Variants in PTPRN2 observed in about 807,000 individuals in gnomAD.
The protein encoded by PTPRN2 is receptor-type tyrosine-protein phosphatase N2.
PTPRN2 carries 74 observed loss-of-function variants against 118.8 expected under a neutral mutation model. The ratio of observed to expected loss-of-function variants is 0.62; its 90% CI spans 0.52 to 0.76. The LOEUF is 0.76. PTPRN2 is among the 30% of genes least tolerant of loss of function. The probability of loss-of-function intolerance (pLI) is 0.00; values close to 1 mark genes in which losing one functional copy is unlikely to be tolerated. For missense variants in PTPRN2, 1,481 were observed against 1,394.4 expected (o/e 1.06, Z -0.99); for synonymous variants, 641 against 608.0 (o/e 1.05, Z -0.80).
chr7:157,691,682 C>T (rs1238636927), intron 12 of PTPRN2, among the ~76,000 whole-genome samples: 1 of 152,214 alleles, frequency 6.6e-6, no homozygotes, highest in Non-Finnish European at 1.5e-5. Flanking sequence ...CTTCCCCCTA[C>T]CCAGGTCAAT....
At chr7:158,191,788 G>A (rs1825786073) in intron 5 of PTPRN2, among the ~76,000 whole-genome samples, 1 of 152,086 alleles carries the variant, frequency 6.6e-6, no homozygotes, top group South Asian at 2.1e-4. Flanking sequence ...GCATCACCTT[G>A]TGTTTTGGTG....
chr7:157,852,075 G>A (rs994987202), intron 12 of PTPRN2, among the ~76,000 whole-genome samples: 1 of 152,248 alleles, frequency 6.6e-6, no homozygotes, highest in Non-Finnish European at 1.5e-5. Context: ...AGGCAGGTCT[G>A]TTTGCAGCGG....
At chr7:157,855,155 C>T (rs1462920417) in intron 12 of PTPRN2, among the ~76,000 whole-genome samples, 29 of 124,826 alleles carry the variant, frequency 2.3e-4, no homozygotes, top group African/African-American at 6.6e-4. Flanking sequence ...TGTGCGGGGC[C>T]GGATCGGGGA....
chr7:157,850,264 C>T lies in PTPRN2; in HGVS notation c.1788+48409G>A, dbSNP rs143914188. The stretch of plus-strand genomic sequence containing the variant: ...GCTCACATAAGGGATCCCAGGTCTC[C>T]AAATTTCCGACATGGGGTGCCTCAG... On this transcript the variant is annotated intron_variant, in intron 12 of 22. Transcript: ENST00000389418. Among the ~76,000 whole-genome samples, 27 of 145,884 alleles carry T rather than the reference C, an allele frequency of 1.9e-4. 1 individual carries two copies. The East Asian group carries it at 5.5e-3, about 29-fold the overall frequency.
intron 12 of PTPRN2, among the ~76,000 whole-genome samples, chr7:157,686,171 C>T (rs1797182439): frequency 6.6e-6 from 1 of 152,174 alleles, no homozygotes; most frequent in African/African-American, 2.4e-5. Flanking sequence ...ATCCCAGGGC[C>T]CGGCTGGGAA....
chr7:158,161,690 C>T (rs559443106), intron 6 of PTPRN2, among the ~76,000 whole-genome samples: 14 of 152,142 alleles, frequency 9.2e-5, no homozygotes, highest in African/African-American at 2.6e-4. Context: ...TTTTAAAATC[C>T]AACACCAAAG....
rs1346023554 is a variant in PTPRN2, at chr7:157,795,661, C to G, written c.1788+103012G>C. Among the ~76,000 whole-genome samples, 4 of 152,362 alleles carry G rather than the reference C, an allele frequency of 2.6e-5. No individual in the cohort carries two copies. The East Asian group carries it at 7.7e-4, about 29-fold the overall frequency. On this transcript the variant is annotated intron_variant, in intron 12 of 22. Coordinates refer to ENST00000389418, the MANE Select transcript of PTPRN2 (RefSeq NM_002847.5). ...TTCAAGCTATTGATAACAACAAAGT[C>G]CTCCCCAACCAAGGAACTTCCGCCA...
intron 11 of PTPRN2, among the ~76,000 whole-genome samples, chr7:158,053,729 CAGAGA>C (rs1809508497): frequency 6.6e-6 from 1 of 150,868 alleles, no homozygotes; most frequent in African/African-American, 2.5e-5. Flanking sequence ...CCCAGAGATG[CAGAGA>C]CCCTAGAGAT....
chr7:158,418,605 C>T lies in PTPRN2; in HGVS notation c.163+71130G>A, dbSNP rs557057354. Among the ~76,000 whole-genome samples, 15 of 145,270 alleles carry T rather than the reference C, an allele frequency of 1.0e-4. 1 individual carries two copies. The South Asian group carries it at 3.5e-3, about 34-fold the overall frequency. On this transcript the variant is annotated intron_variant, in intron 2 of 22. Transcript: ENST00000389418. ...TACTACATCGAGATGCTGTAGCTCTCCGTGTCCCGCTGTGTTAAGTCACGG... is the reference window on the plus strand; with the variant it reads ...TACTACATCGAGATGCTGTAGCTCTTCGTGTCCCGCTGTGTTAAGTCACGG...
chr7:158,397,535 T>G (rs1486519723), intron 2 of PTPRN2, among the ~76,000 whole-genome samples: 1 of 152,072 alleles, frequency 6.6e-6, no homozygotes, highest in Non-Finnish European at 1.5e-5. Flanking sequence ...TCCAGAGAAA[T>G]AGTGTGTCCT....
chr7:158,162,787 A>G (rs7803502), intron 6 of PTPRN2, among the ~76,000 whole-genome samples: 113,169 of 152,142 alleles, frequency 0.74, 42,130 homozygotes, highest in Middle Eastern at 0.8. Context: ...TTTACCAGGT[A>G]AACTTTTGTC....
At chr7:158,148,783 AC>A (rs1159311981) in intron 6 of PTPRN2, among the ~76,000 whole-genome samples, 36 of 64,800 alleles carry the variant, frequency 5.6e-4, no homozygotes, top group Non-Finnish European at 7.8e-4. Context: ...CCTCAATGAC[AC>A]CCCATCTCAC....
intron 4 of PTPRN2, among the ~76,000 whole-genome samples, chr7:158,193,127 G>A (rs1179665138): frequency 1.3e-5 from 2 of 152,228 alleles, no homozygotes; most frequent in Non-Finnish European, 2.9e-5. Flanking sequence ...CAGGGACGCC[G>A]GAGGCTAGAA....
At chr7:158,052,912 G>C (rs1453627185) in intron 11 of PTPRN2, among the ~76,000 whole-genome samples, 3 of 152,184 alleles carry the variant, frequency 2.0e-5, no homozygotes, top group African/African-American at 7.2e-5. Flanking sequence ...GGGCTACAGG[G>C]ACAGCCCTCC....
intron 4 of PTPRN2, among the ~76,000 whole-genome samples, chr7:158,193,905 CAAAAAAA>C (rs56234740): frequency 2.4e-5 from 3 of 123,912 alleles, no homozygotes; most frequent in African/African-American, 8.8e-5. Context: ...GGCTCTGTCT[CAAAAAAA>C]AAAAAAAAAA....
chr7:158,574,604 G>A lies in PTPRN2; in HGVS notation c.112+12954C>T, dbSNP rs1828223593. Among the ~76,000 whole-genome samples the A allele has an allele frequency of 6.6e-6, 1 of 152,238 alleles. No individual in the cohort carries two copies. The highest frequency in any genetic ancestry group is 2.4e-5 in the African/African-American group (1 of 41,472). ...GGTTAGATGTGGGGCAGCTCTGGCA[G>A]AAGAGTGATAGGATCAGATTTTCAG... On this transcript the variant is annotated intron_variant, in intron 1 of 22. Transcript: ENST00000389418. The surrounding 1 kb of genome is among the most constrained non-coding windows in gnomAD (Gnocchi z 4.6).
intron 3 of PTPRN2, among the ~76,000 whole-genome samples, chr7:158,217,656 G>T (rs1026180169): frequency 1.1e-4 from 16 of 152,142 alleles, no homozygotes; most frequent in African/African-American, 3.9e-4. Flanking sequence ...TAGATGGCAA[G>T]GAAGCTCAAT....
intron 22 of PTPRN2, among the ~76,000 whole-genome samples, chr7:157,541,943 T>C (rs1393388493): frequency 1.3e-5 from 2 of 152,202 alleles, no homozygotes; most frequent in East Asian, 3.8e-4. Flanking sequence ...CTGCCTTTGG[T>C]AGTGTGGCCA....
At chr7:158,396,713 CAT>C (rs766693586) in intron 2 of PTPRN2, among the ~76,000 whole-genome samples, 88 of 152,162 alleles carry the variant, frequency 5.8e-4, no homozygotes, top group Admixed American at 9.8e-4. Context: ...CACATGTGTG[CAT>C]GTGTGTGTGT....
Sources: allele counts gnomAD v4.1 joint callset (sites outside exome capture counted in the v4.1 genomes callset), GRCh38; gene constraint gnomAD v4.1.1; non-coding constraint Gnocchi (gnomAD v3.1); transcripts MANE v1.5; gene names NCBI Gene and HGNC (gene_info 2026-07-23, HGNC 2026-07-21).